The following PCDHA12 variants were observed in gnomAD, a reference collection of about 807,000 sequenced individuals.
The protein encoded by PCDHA12 is protocadherin alpha-12.
A neutral mutation model predicts 60.0 loss-of-function variants in PCDHA12; 44 were observed. That is an observed-to-expected ratio of 0.73 (90% CI 0.58 to 0.94). The LOEUF (loss-of-function observed/expected upper bound fraction) is 0.94. Among genes scored for constraint, PCDHA12 ranks in the 40% least tolerant of loss-of-function variants. PCDHA12 has a pLI of 0.00. For missense variants in PCDHA12, 1,276 were observed against 1,239.7 expected, an observed-to-expected ratio of 1.03 and a Z score of -0.44; for synonymous variants, 569 against 553.0, an observed-to-expected ratio of 1.03 and a Z score of -0.40.
At chr5:140,989,105 T>A (rs550881823) in intron 3 of PCDHA12, 1 of 152,350 alleles carries the variant, frequency 6.6e-6, no homozygotes, top group Non-Finnish European at 1.5e-5. Context: ...GAAACAACTT[T>A]TGAATATATC....
chr5:140,995,949 G>T (rs781875497), intron 3 of PCDHA12, among the ~76,000 whole-genome samples: 1 of 152,160 alleles, frequency 6.6e-6, no homozygotes, highest in African/African-American at 2.4e-5. Context: ...CATAATGCAC[G>T]CAAAATGCTT....
intron 3 of PCDHA12, among the ~76,000 whole-genome samples, chr5:140,991,746 T>C (rs74524919): frequency 0.01 from 1,537 of 152,318 alleles, 24 homozygotes; most frequent in African/African-American, 0.035. Flanking sequence ...GTAGGCTCTT[T>C]CTATCATGCT....
chr5:140,963,907 A>C (rs1303006789), intron 1 of PCDHA12, among the ~76,000 whole-genome samples: 1 of 152,240 alleles, frequency 6.6e-6, no homozygotes, highest in Non-Finnish European at 1.5e-5. Flanking sequence ...AGTAAAGTGA[A>C]GCTTAGGCTA....
intron 1 of PCDHA12, among the ~76,000 whole-genome samples, chr5:140,917,324 C>CGGGGGG (rs1299895515): frequency 3.9e-5 from 3 of 76,174 alleles, no homozygotes; most frequent in East Asian, 7.2e-4. Flanking sequence ...GTTCATGTGG[C>CGGGGGG]GGGGGAGGGG....
intron 1 of PCDHA12, chr5:140,883,965 T>C: frequency 6.2e-7 from 1 of 1,613,128 alleles, no homozygotes; most frequent in Non-Finnish European, 8.5e-7. Flanking sequence ...CCGGCGCTGC[T>C]GACGCCCGGG....
chr5:140,913,471 C>G (rs2076351409), intron 1 of PCDHA12, among the ~76,000 whole-genome samples: 1 of 152,010 alleles, frequency 6.6e-6, no homozygotes, highest in South Asian at 2.1e-4. Context: ...TGGGTCTTCT[C>G]TCTTTTTTTC....
Position 140,910,016 on chromosome 5 carries a change from G to C in PCDHA12, c.2367+32177G>C, listed in dbSNP as rs375687025. Among the ~76,000 whole-genome samples the C allele has an allele frequency of 3.5e-4, 54 of 152,290 alleles. No individual in the cohort carries two copies. The South Asian group carries it at 0.011, about 32-fold the overall frequency. ...ATAAATTGTTGTCAGTGTCATCCTT[G>C]TATCCCTGGGATAAATCCCACTTGG... On this transcript the variant is annotated intron_variant, in intron 1 of 3. Coordinates refer to ENST00000398631, the MANE Select transcript of PCDHA12 (RefSeq NM_018903.4).
At position 140,876,773 on chromosome 5, in the gene PCDHA12, C is replaced by A. The variant is rs782103064; in HGVS notation, c.1301C>A (p.Ser434Ter). The stretch of plus-strand genomic sequence containing the variant: ...ACTGCGCGGGATGGGGGCTCGCCTT[C>A]GCTGTGGGCCACGGCTAGAGTGTCC... Reference protein sequence around the residue: ...VVTARDGGSPSLWATARVSVE... With the variant: ...VVTARDGGSP The change falls in exon 1 of 4, where the codon TCG (serine) becomes TAG (stop). Residue 434 changes from serine (S) to a stop codon, truncating the protein, a stop_gained. Coordinates refer to ENST00000398631, the MANE Select transcript of PCDHA12 (RefSeq NM_018903.4). LOFTEE classifies it high-confidence loss of function. 2 of 1,614,226 alleles carry A rather than the reference C, an allele frequency of 1.2e-6. No individual in the cohort carries two copies. The highest frequency in any genetic ancestry group is 2.2e-5 in the South Asian group (2 of 91,086).
chr5:140,897,677 G>T (rs1390475923), intron 1 of PCDHA12, among the ~76,000 whole-genome samples: 1 of 152,168 alleles, frequency 6.6e-6, no homozygotes, highest in African/African-American at 2.4e-5. Flanking sequence ...ATAGCAGCAT[G>T]ATTTATAGTC....
chr5:140,967,566 G>A, intron 1 of PCDHA12: 2 of 1,614,060 alleles, frequency 1.2e-6, no homozygotes, highest in South Asian at 2.2e-5. Context: ...GTCCAGCTAC[G>A]GGAGGACTCA....
intron 1 of PCDHA12, among the ~76,000 whole-genome samples, chr5:140,907,595 A>C (rs1278261727): frequency 6.6e-6 from 1 of 152,198 alleles, no homozygotes; most frequent in African/African-American, 2.4e-5. Flanking sequence ...GATCACCCTG[A>C]GGAATGGTGC....
intron 1 of PCDHA12, chr5:140,926,553 A>T: frequency 4.3e-6 from 1 of 233,838 alleles, no homozygotes; most frequent in East Asian, 9.1e-5. Context: ...TCGAGACCCC[A>T]GCCCGCTGCT....
At chr5:140,938,937 C>T (rs1302555937) in intron 1 of PCDHA12, among the ~76,000 whole-genome samples, 4 of 152,070 alleles carry the variant, frequency 2.6e-5, no homozygotes, top group African/African-American at 9.7e-5. Context: ...TTTAACTTTC[C>T]ATTCTTATAA....
chr5:140,875,878 A>T lies in PCDHA12; in HGVS notation c.406A>T (p.Arg136Trp). The change falls in exon 1 of 4, where the codon AGG (arginine) becomes TGG (tryptophan). Residue 136 changes from arginine to tryptophan, a missense_variant. Transcript: ENST00000398631. ...INDNPPVFREREQKVPVSESA... is the reference protein window; with the variant it reads ...INDNPPVFREWEQKVPVSESA... ...CGACAACCCGCCGGTGTTCAGAGAA[A>T]GGGAACAAAAGGTACCTGTTTCTGA... is the stretch of plus-strand genomic sequence containing the variant. 1 of 1,614,212 alleles carries T rather than the reference A, an allele frequency of 6.2e-7. No individual in the cohort carries two copies. Among genetic ancestry groups the T allele is most frequent in the Non-Finnish European group, 8.5e-7 (1 of 1,180,034 alleles).
At chr5:140,983,034 C>T (rs923296416) in intron 3 of PCDHA12, among the ~76,000 whole-genome samples, 1 of 151,944 alleles carries the variant, frequency 6.6e-6, no homozygotes, top group Non-Finnish European at 1.5e-5. Context: ...GATGGTTTCT[C>T]ATGGAAGTGG....
At chr5:140,976,884 A>T (rs1423993981) in intron 1 of PCDHA12, among the ~76,000 whole-genome samples, 1 of 152,232 alleles carries the variant, frequency 6.6e-6, no homozygotes, top group Non-Finnish European at 1.5e-5. Context: ...AAGAATTAGG[A>T]TACATGCAAC....
At chr5:140,985,075 C>G (rs1477852280) in intron 3 of PCDHA12, among the ~76,000 whole-genome samples, 2 of 151,968 alleles carry the variant, frequency 1.3e-5, no homozygotes, top group Non-Finnish European at 2.9e-5. Context: ...GTAGCTGAGA[C>G]TACAGGCGTG....
chr5:140,882,560 C>G (rs150463901), intron 1 of PCDHA12: 2 of 1,614,168 alleles, frequency 1.2e-6, no homozygotes, highest in African/African-American at 2.7e-5. Context: ...GCTGTGTGGG[C>G]GGAGCGCGGA....
chr5:140,930,917 G>A (rs528997377), intron 1 of PCDHA12, among the ~76,000 whole-genome samples: 3 of 152,272 alleles, frequency 2.0e-5, no homozygotes, highest in African/African-American at 7.2e-5. Context: ...TACTTTAGAT[G>A]TGTATATGTG....
Sources: gnomAD v4.1 joint callset for allele counts (sites outside exome capture counted in the v4.1 genomes callset) on GRCh38, gnomAD v4.1.1 for gene constraint, MANE v1.5 for transcripts, NCBI Gene and HGNC (gene_info 2026-07-23, HGNC 2026-07-21) for gene names.